COG4: variants seen among roughly 807,000 people sequenced by gnomAD.
COG4 encodes the protein conserved oligomeric Golgi complex subunit 4.
Under a neutral mutation model 95.1 loss-of-function variants are expected in COG4, and 65 were observed. That is an observed-to-expected ratio of 0.68 (90% confidence interval 0.56 to 0.84). COG4 has a LOEUF of 0.84. Ranked by LOEUF, COG4 falls within the 40% of genes least tolerant of loss-of-function variation. The probability of loss-of-function intolerance (pLI) is 0.00; values close to 1 mark genes in which losing one functional copy is unlikely to be tolerated. For missense variants in COG4, 1,045 were observed against 989.1 expected (o/e 1.06, Z -0.76); for synonymous variants, 421 against 374.8 (o/e 1.12, Z -1.42).
chr16:70,521,195 G>A (rs1446873766), intron 1 of COG4, among the ~76,000 whole-genome samples: 3 of 149,752 alleles, frequency 2.0e-5, no homozygotes, highest in African/African-American at 2.4e-5. Context: ...TTAGAGGCAT[G>A]AGCCACTTGT....
chr16:70,512,479 T>TG, intron 4 of COG4, 47 bp from the exon 5 acceptor site: 1 of 1,521,788 alleles, frequency 6.6e-7, no homozygotes, highest in Non-Finnish European at 9.1e-7. Context: ...AATAGTACTG[T>TG]GGCAGGTCCA....
chr16:70,501,585 A>G (rs1009160563), intron 8 of COG4: 1 of 160,978 alleles, frequency 6.2e-6, no homozygotes, highest in African/African-American at 2.4e-5. Flanking sequence ...CGATCTCCTG[A>G]CCTCGTGATC....
intron 13 of COG4, 105 bp from the exon 14 acceptor site, chr16:70,484,074 AG>A (rs1188700408): frequency 2.3e-6 from 2 of 862,690 alleles, no homozygotes. Flanking sequence ...GCCTGTCAAG[AG>A]CCCGGATGGG....
At chr16:70,513,552 A>G (rs996986729) in intron 4 of COG4, among the ~76,000 whole-genome samples, 9 of 152,220 alleles carry the variant, frequency 5.9e-5, no homozygotes, top group Non-Finnish European at 1.0e-4. Context: ...TGTAAATTAG[A>G]CATAGTAAGA....
At chr16:70,490,476 C>T in intron 12 of COG4, 84 bp from the exon 13 acceptor site, 1 of 1,107,360 alleles carries the variant, frequency 9.0e-7, no homozygotes. Context: ...GACAGCTGTG[C>T]TCCATGAAGC....
intron 1 of COG4, 122 bp from the exon 2 acceptor site, chr16:70,519,853 T>A: frequency 2.7e-6 from 2 of 749,230 alleles, no homozygotes; most frequent in Non-Finnish European, 2.4e-6. Flanking sequence ...TTCCACTATG[T>A]TCTCCTTAGA....
intron 5 of COG4, among the ~76,000 whole-genome samples, chr16:70,511,590 G>A (rs971086359): frequency 1.3e-5 from 2 of 151,954 alleles, no homozygotes; most frequent in African/African-American, 2.4e-5. Context: ...GCATGTGCCT[G>A]CAGTCTCAAC....
At position 70,496,210 on chromosome 16, in the gene COG4, G is replaced by A; in HGVS notation, c.1647+56C>T. On this transcript the variant is annotated intron_variant, in intron 12 of 18. Coordinates refer to ENST00000323786, the MANE Select transcript of COG4 (RefSeq NM_015386.3). ...GCCAATTATACTGTGGCTTAGCAGTGATAGCGTAACCTCTCGAGATAAACC... is the reference window on the plus strand; with the variant it reads ...GCCAATTATACTGTGGCTTAGCAGTAATAGCGTAACCTCTCGAGATAAACC... 15 of 1,588,038 alleles carry A rather than the reference G, an allele frequency of 9.4e-6. No individual in the cohort carries two copies. In the South Asian group the frequency reaches 1.6e-4, roughly 16 times the overall value.
chr16:70,483,860 A>T lies in COG4; in HGVS notation c.1820T>A (p.Leu607His), dbSNP rs2151739630. The T allele has an allele frequency of 6.2e-7, 1 of 1,612,432 alleles. No homozygotes were observed. The highest frequency in any genetic ancestry group is 8.5e-7 in the Non-Finnish European group (1 of 1,179,024). The change falls in exon 14 of 19, where the codon CTC (leucine) becomes CAC (histidine). Residue 607 changes from leucine to histidine, a missense_variant. By Grantham distance (99) the Leu-to-His change is moderately conservative (BLOSUM62 -3). Transcript: ENST00000323786. ...GTTGAACCTGGGGCTTACCTGCAAGAGGTCTCGGAATTTGTTGGACACGGC... is the reference window on the plus strand; with the variant it reads ...GTTGAACCTGGGGCTTACCTGCAAGTGGTCTCGGAATTTGTTGGACACGGC... ...LAAVSNKFRD[L>H]LQEGLTELNS... is the part of the protein sequence containing the mutation.
rs17883770 is a variant in COG4 at position 70,480,688 on chromosome 16, G to A, written c.*322C>T. 1,867 of 384,486 alleles carry A rather than the reference G, an allele frequency of 4.9e-3. 42 individuals are homozygous for A. The highest frequency in any genetic ancestry group is 0.035 in the African/African-American group (1,710 of 48,838). The allele number at this position is 384,486 out of a possible 1,614,324, so 23.8% of individuals were successfully genotyped here. A position where few individuals can be genotyped will look rare whatever the true frequency, so the allele number is the denominator to read the frequency against. ...TGTCTAGGACTGGCAGGGGTAGCTT[G>A]TTTGCTGTAGTGTTTGAGGGCAAGA... On this transcript the variant is annotated 3_prime_UTR_variant, in exon 19 of 19. Transcript: ENST00000323786.
At chr16:70,506,506 C>T (rs932488540) in intron 8 of COG4, among the ~76,000 whole-genome samples, 13 of 143,374 alleles carry the variant, frequency 9.1e-5, no homozygotes, top group Non-Finnish European at 1.5e-4. Context: ...GCAGGAGAAT[C>T]GCTAAACCTA....
rs79780843 is a variant in COG4 at position 70,508,494 on chromosome 16, C to G, written c.1003-30G>C. Reference sequence around the variant, plus strand: ...AACATACCACAGGAATGAGAATATTCTTCCCCACCCCCACATCTATTGGCC... The same window carrying G: ...AACATACCACAGGAATGAGAATATTGTTCCCCACCCCCACATCTATTGGCC... On this transcript the variant is annotated intron_variant, in intron 7 of 18. Transcript: ENST00000323786. 6.0e-3 allele frequency: 9,532 copies of G among 1,595,220 alleles called. 516 individuals are homozygous for G. The African/African-American group carries it at 0.11, about 19-fold the overall frequency.
intron 5 of COG4, 77 bp from the exon 6 acceptor site, chr16:70,510,098 T>C: frequency 8.1e-7 from 1 of 1,235,060 alleles, no homozygotes; most frequent in Non-Finnish European, 1.2e-6. Context: ...TTTCCAAAAA[T>C]CCTCCCATTG....
chr16:70,512,126 G>T, intron 5 of COG4, 113 bp downstream of exon 5: 1 of 986,156 alleles, frequency 1.0e-6, no homozygotes, highest in Non-Finnish European at 1.6e-6. Flanking sequence ...AGGGCAGGAA[G>T]GGGAGTCATA....
At chr16:70,508,366 T>C in intron 8 of COG4, 40 bp downstream of exon 8, 1 of 1,552,846 alleles carries the variant, frequency 6.4e-7, no homozygotes, top group Non-Finnish European at 8.9e-7. Context: ...GATTACCAAT[T>C]CAAACTCCTG....
chr16:70,493,168 C>T (rs368438745), intron 12 of COG4, among the ~76,000 whole-genome samples: 16 of 152,172 alleles, frequency 1.1e-4, no homozygotes, highest in African/African-American at 2.7e-4. Context: ...AGCCTCTCTC[C>T]AGCTCACTGT....
At chr16:70,504,768 G>C (rs1406825040) in intron 8 of COG4, among the ~76,000 whole-genome samples, 1 of 151,868 alleles carries the variant, frequency 6.6e-6, no homozygotes, top group Non-Finnish European at 1.5e-5. Context: ...AAATTTGCCA[G>C]GCACACTGGT....
At chr16:70,497,915 A>C in intron 10 of COG4, 22 bp downstream of exon 10, 11 of 1,389,588 alleles carry the variant, frequency 7.9e-6, no homozygotes, top group Non-Finnish European at 1.1e-5. Flanking sequence ...CCCATTTCCA[A>C]GAGATGCGTC....
In COG4 at chr16:70,523,432, G is replaced by C. The variant is rs1369681442; in HGVS notation, c.112C>G (p.Arg38Gly). ...AGCTCCTGCAGCTCTGTCAGGGAGC[G>C]AATGAGCTCAGCGGAGATTTCGGAG... Reference protein sequence around the residue: ...RCSEISAELIRSLTELQELEA... With the variant: ...RCSEISAELIGSLTELQELEA... The change falls in exon 1 of 19, where the codon CGC becomes GGC. Residue 38 changes from arginine (R) to glycine (G), a missense_variant. By Grantham distance (125) the Arg-to-Gly change is moderately radical. Transcript: ENST00000323786. 1.2e-6 allele frequency: 2 copies of C among 1,613,946 alleles called. No individual in the cohort carries two copies. The highest frequency in any genetic ancestry group is 1.7e-6 in the Non-Finnish European group (2 of 1,179,988).
Sources: gnomAD v4.1 joint callset for allele counts (sites outside exome capture counted in the v4.1 genomes callset) on GRCh38, gnomAD v4.1.1 for gene constraint, MANE v1.5 for transcripts, NCBI Gene and HGNC (gene_info 2026-07-23, HGNC 2026-07-21) for gene names.